The following PPM1G variants were observed in gnomAD, a reference collection of about 807,000 sequenced individuals.
The protein encoded by PPM1G is protein phosphatase, Mg2+/Mn2+ dependent 1G.
A neutral mutation model predicts 59.4 loss-of-function variants in PPM1G; 12 were observed. The ratio of observed to expected loss-of-function variants is 0.20; its 90% CI spans 0.13 to 0.33. The LOEUF (loss-of-function observed/expected upper bound fraction) is 0.33. Ranked by LOEUF, PPM1G falls within the 10% of genes least tolerant of loss-of-function variation. The probability of loss-of-function intolerance (pLI) is 1.00; values close to 1 mark genes in which losing one functional copy is unlikely to be tolerated. For missense variants in PPM1G, 392 were observed against 681.3 expected, an observed-to-expected ratio of 0.58 and a Z score of 4.73; for synonymous variants, 245 against 251.9, an observed-to-expected ratio of 0.97 and a Z score of 0.26.
intron 1 of PPM1G, among the ~76,000 whole-genome samples, chr2:27,399,170 CAAA>C (rs1032922613): frequency 5.3e-5 from 8 of 151,666 alleles, no homozygotes; most frequent in African/African-American, 1.9e-4. Context: ...ACAACAACAA[CAAA>C]AACAAAACAA....
chr2:27,390,742 C>G (rs1202739749), intron 1 of PPM1G, among the ~76,000 whole-genome samples: 1 of 152,100 alleles, frequency 6.6e-6, no homozygotes, highest in Non-Finnish European at 1.5e-5. Flanking sequence ...TGGGGTATGA[C>G]TGAACCCGTT....
chr2:27,408,401 C>A (rs1572671893), intron 1 of PPM1G, among the ~76,000 whole-genome samples: 1 of 152,238 alleles, frequency 6.6e-6, no homozygotes, highest in African/African-American at 2.4e-5. Context: ...TCCTCCCTAC[C>A]GCAGTTTTCC....
chr2:27,388,238 G>A (rs1036203576), intron 1 of PPM1G, among the ~76,000 whole-genome samples: 6 of 151,140 alleles, frequency 4.0e-5, no homozygotes, highest in Non-Finnish European at 7.4e-5. Flanking sequence ...GTGAAACCCC[G>A]TCTCTACTAA....
chr2:27,389,489 C>G (rs1683846212), intron 1 of PPM1G, among the ~76,000 whole-genome samples: 1 of 152,006 alleles, frequency 6.6e-6, no homozygotes, highest in Admixed American at 6.6e-5. Flanking sequence ...TTTAATTTGC[C>G]CCCTTTACAT....
At position 27,409,562 on chromosome 2, in the gene PPM1G, G is replaced by A. The variant is rs1663468254; in HGVS notation, c.-140C>T. On this transcript the variant is annotated 5_prime_UTR_variant, in exon 1 of 10. Transcript: ENST00000344034. ...GGTGCCGGTGAAAGGCGCGAGGCCG[G>A]CCAGGAGGCGGTAACGGGACGGGAG... 1.5e-5 allele frequency: 17 copies of A among 1,123,844 alleles called. No homozygotes were observed. The highest frequency in any genetic ancestry group is 1.8e-5 in the Non-Finnish European group (16 of 865,520). 69.6% of individuals were successfully genotyped at this position (1,123,844 alleles called of 1,614,324 possible). A position where few individuals can be genotyped will look rare whatever the true frequency, so the allele number is the denominator to read the frequency against.
chr2:27,386,059 C>T (rs750392256), intron 3 of PPM1G, 135 bp downstream of exon 3: 20 of 1,238,742 alleles, frequency 1.6e-5, no homozygotes, highest in South Asian at 4.2e-5. Context: ...CCAATAAGCT[C>T]GTTTTAGGAA....
Position 27,382,315 on chromosome 2 carries a change from G to GT in PPM1G, c.1332-88dup. The GT allele has an allele frequency of 6.4e-7, 1 of 1,554,834 alleles. No individual in the cohort carries two copies. The highest frequency in any genetic ancestry group is 1.1e-5 in the South Asian group (1 of 89,292). On this transcript the variant is annotated intron_variant, in intron 8 of 9. Transcript: ENST00000344034. This position sits in a 1 kb window ranked among gnomAD's most constrained non-coding sequence, Gnocchi z 4.2. Reference sequence around the variant, plus strand: ...GACAGAGGTGGTGGCCCAGGCCAGTGTAAATAACTACAGAAATTCTCAGCT... The same window carrying GT: ...GACAGAGGTGGTGGCCCAGGCCAGTGTTAAATAACTACAGAAATTCTCAGCT...
chr2:27,384,024 G>A lies in PPM1G; in HGVS notation c.894C>T (p.Thr298=), dbSNP rs749359140. ...CTTCATCGTCCTCTTCAGCCTCCTC[G>A]GTGTCATCCTCATCTTCCTCATTCT... is the stretch of plus-strand genomic sequence containing the variant. ...EAENEEDEDD[T]EEAEEDDEEE... is the part of the protein sequence containing the mutation. Residue 298 remains threonine, a synonymous_variant, in exon 6 of 10, where the codon ACC becomes ACT. Transcript: ENST00000344034. This position sits in a 1 kb window ranked among gnomAD's most constrained non-coding sequence, Gnocchi z 4.8. 1.2e-5 allele frequency: 19 copies of A among 1,602,836 alleles called. No homozygotes were observed. Among genetic ancestry groups the A allele is most frequent in the South Asian group, 2.2e-5 (2 of 89,404 alleles).
At chr2:27,406,777 GA>G (rs1663380569) in intron 1 of PPM1G, among the ~76,000 whole-genome samples, 1 of 151,722 alleles carries the variant, frequency 6.6e-6, no homozygotes. Flanking sequence ...CCAAAGAAAT[GA>G]AAAAACAACA....
intron 1 of PPM1G, among the ~76,000 whole-genome samples, chr2:27,400,564 G>A (rs558259471): frequency 7.9e-5 from 12 of 152,164 alleles, no homozygotes; most frequent in Admixed American, 7.2e-4. Flanking sequence ...GGCCAGCCTG[G>A]ACAACACAGT....
At chr2:27,397,505 T>C (rs550942279) in intron 1 of PPM1G, among the ~76,000 whole-genome samples, 7 of 152,228 alleles carry the variant, frequency 4.6e-5, no homozygotes, top group Middle Eastern at 6.8e-3. Context: ...ATAAGACTTA[T>C]ACACCAAAAA....
intron 1 of PPM1G, among the ~76,000 whole-genome samples, chr2:27,395,351 G>A (rs1684024323): frequency 6.6e-6 from 1 of 151,952 alleles, no homozygotes; most frequent in African/African-American, 2.4e-5. Flanking sequence ...GGCCAACATG[G>A]CAAAACCCCA....
intron 3 of PPM1G, 38 bp downstream of exon 3, chr2:27,386,156 C>T: frequency 1.3e-6 from 2 of 1,554,316 alleles, no homozygotes; most frequent in South Asian, 1.1e-5. Flanking sequence ...AGGGAAAAGC[C>T]TACACAAGTG....
intron 1 of PPM1G, among the ~76,000 whole-genome samples, chr2:27,407,995 C>T (rs1188019720): frequency 6.6e-6 from 1 of 151,332 alleles, no homozygotes; most frequent in Non-Finnish European, 1.5e-5. Flanking sequence ...TGCGGTGAGC[C>T]GAGATCGCGC....
At position 27,385,119 on chromosome 2, in the gene PPM1G, A is replaced by G; in HGVS notation, c.410-31T>C. 6.5e-7 allele frequency: 1 copy of G among 1,544,750 alleles called. No homozygotes were observed. Among genetic ancestry groups the G allele is most frequent in the Middle Eastern group, 1.9e-4 (1 of 5,132 alleles). On this transcript the variant is annotated intron_variant, in intron 4 of 9. Coordinates refer to ENST00000344034, the MANE Select transcript of PPM1G (RefSeq NM_177983.3). The surrounding 1 kb of genome is among the most constrained non-coding windows in gnomAD (Gnocchi z 4.1). Reference sequence around the variant, plus strand: ...GGGAAGAGGCTAAATCAGAGCCCCCATGCCAGACTCCTCATGGGATCCGTC... The same window carrying G: ...GGGAAGAGGCTAAATCAGAGCCCCCGTGCCAGACTCCTCATGGGATCCGTC...
chr2:27,393,092 C>T (rs928423432), intron 1 of PPM1G: 9 of 1,270,496 alleles, frequency 7.1e-6, no homozygotes, highest in African/African-American at 5.8e-5. Flanking sequence ...GCATTCTCCC[C>T]GCACAGTCTG....
At position 27,385,666 on chromosome 2, in the gene PPM1G, C is replaced by T; in HGVS notation, c.409+81G>A. On this transcript the variant is annotated intron_variant, in intron 4 of 9. Coordinates refer to ENST00000344034, the MANE Select transcript of PPM1G (RefSeq NM_177983.3). This position sits in a 1 kb window ranked among gnomAD's most constrained non-coding sequence, Gnocchi z 4.1. ...CTCCCCAGGTCCCTAGAAAGCCATC[C>T]TATCTTAGAATTGATAAGTAATATT... 6.5e-7 allele frequency: 1 copy of T among 1,530,242 alleles called. No homozygotes were observed. The highest frequency in any genetic ancestry group is 8.8e-7 in the Non-Finnish European group (1 of 1,140,686). The allele number at this position is 1,530,242 out of a possible 1,614,324, so 94.8% of individuals were successfully genotyped here.
intron 1 of PPM1G, among the ~76,000 whole-genome samples, chr2:27,408,382 T>G (rs1301273023): frequency 6.6e-6 from 1 of 152,008 alleles, no homozygotes; most frequent in East Asian, 1.9e-4. Context: ...TAACCCGTCT[T>G]CCTCCCTTTC....
At chr2:27,406,597 A>G (rs1663366798) in intron 1 of PPM1G, among the ~76,000 whole-genome samples, 1 of 152,166 alleles carries the variant, frequency 6.6e-6, no homozygotes, top group African/African-American at 2.4e-5. Flanking sequence ...ATCTCTACAC[A>G]CTAAACCGTC....
Sources: allele counts gnomAD v4.1 joint callset (sites outside exome capture counted in the v4.1 genomes callset), GRCh38; gene constraint gnomAD v4.1.1; non-coding constraint Gnocchi (gnomAD v3.1); transcripts MANE v1.5; gene names NCBI Gene and HGNC (gene_info 2026-07-23, HGNC 2026-07-21).